The following PDZRN3 variants were observed in gnomAD, a reference collection of about 807,000 sequenced individuals.
PDZRN3 encodes E3 ubiquitin-protein ligase PDZRN3.
PDZRN3 carries 38 observed loss-of-function variants against 85.7 expected under a neutral mutation model. The observed-to-expected ratio is 0.44, with a 90% CI of 0.34 to 0.58. The LOEUF is 0.58. Ranked by LOEUF, PDZRN3 falls within the 20% of genes least tolerant of loss-of-function variation. PDZRN3 has a pLI of 0.01. For synonymous variants in PDZRN3, 759 were observed against 638.0 expected, an observed-to-expected ratio of 1.19 and a Z score of -2.86; for missense variants, 1,629 against 1,506.4, an observed-to-expected ratio of 1.08 and a Z score of -1.35.
intron 3 of PDZRN3, among the ~76,000 whole-genome samples, chr3:73,480,253 A>G (rs1051776388): frequency 6.6e-6 from 1 of 152,196 alleles, no homozygotes; most frequent in African/African-American, 2.4e-5. Flanking sequence ...ACAGGCTATA[A>G]TGACTGAAAG....
chr3:73,431,026 AC>A (rs2106799465), intron 3 of PDZRN3, among the ~76,000 whole-genome samples: 1 of 152,238 alleles, frequency 6.6e-6, no homozygotes, highest in East Asian at 1.9e-4. Context: ...CCTGGACACC[AC>A]AGTTATCATA....
At position 73,384,546 on chromosome 3, in the gene PDZRN3, C is replaced by CGGCGTCCA. The variant is rs1559646752; in HGVS notation, c.2012_2019dup (p.Gly674TrpfsTer18). On this transcript the variant is annotated frameshift_variant, in exon 10 of 10. Coordinates refer to ENST00000263666, the MANE Select transcript of PDZRN3 (RefSeq NM_015009.3). LOFTEE classifies it high-confidence loss of function. ...TCCACGCTCTCAGGGTCACTCTTGCCGGCGTCCAGGGGGCCGCTAGGGTAG... is the reference window on the plus strand; with the variant it reads ...TCCACGCTCTCAGGGTCACTCTTGCCGGCGTCCAGGCGTCCAGGGGGCCGCTAGGGTAG... 6.2e-7 allele frequency: 1 copy of CGGCGTCCA among 1,613,562 alleles called. No individual in the cohort carries two copies. Among genetic ancestry groups the CGGCGTCCA allele is most frequent in the Non-Finnish European group, 8.5e-7 (1 of 1,180,042 alleles).
At chr3:73,390,448 A>C (rs1325912618) in intron 6 of PDZRN3, among the ~76,000 whole-genome samples, 1 of 152,152 alleles carries the variant, frequency 6.6e-6, no homozygotes, top group Non-Finnish European at 1.5e-5. Flanking sequence ...TTTCCTGACA[A>C]AATTGGGTTT....
intron 3 of PDZRN3, among the ~76,000 whole-genome samples, chr3:73,588,129 T>G (rs979448604): frequency 1.3e-5 from 2 of 152,150 alleles, no homozygotes; most frequent in Non-Finnish European, 2.9e-5. Flanking sequence ...TGTTCCTCTC[T>G]GTGTCCATGT....
At chr3:73,456,209 TGTGTGTGC>T (rs1028036558) in intron 3 of PDZRN3, among the ~76,000 whole-genome samples, 2 of 107,306 alleles carry the variant, frequency 1.9e-5, no homozygotes, top group Non-Finnish European at 4.0e-5. Flanking sequence ...TGTGTGTGTG[TGTGTGTGC>T]GCGCGTGCGC....
intron 3 of PDZRN3, among the ~76,000 whole-genome samples, chr3:73,588,332 G>A (rs1323237791): frequency 3.9e-5 from 6 of 152,130 alleles, no homozygotes; most frequent in African/African-American, 7.2e-5. Context: ...CCAGGCTATC[G>A]TTGATGGGCA....
chr3:73,387,970 G>C lies in PDZRN3; in HGVS notation c.1516C>G (p.Gln506Glu), dbSNP rs1221113947. ...FSLLIARPEL[Q>E]LDEGWMDDDR... The stretch of plus-strand genomic sequence containing the variant: ...TCATCTGTAGGAAGCCAATTTACCT[G>C]GAGTTCAGGCCTTGCAATCAGCAAT... Residue 506 changes from glutamine to glutamate, a missense_variant and splice_region_variant, in exon 8 of 10, where the codon CAG (glutamine) becomes GAG (glutamate). Coordinates refer to ENST00000263666, the MANE Select transcript of PDZRN3 (RefSeq NM_015009.3). The C allele has an allele frequency of 6.0e-6, 9 of 1,491,048 alleles. No homozygotes were observed. The highest frequency in any genetic ancestry group is 8.3e-6 in the Non-Finnish European group (9 of 1,080,038). 92.4% of individuals were successfully genotyped at this position (1,491,048 alleles called of 1,614,324 possible).
chr3:73,565,936 G>A (rs750432725), intron 3 of PDZRN3, among the ~76,000 whole-genome samples: 1 of 152,002 alleles, frequency 6.6e-6, no homozygotes, highest in Non-Finnish European at 1.5e-5. Context: ...GTGCGATAAG[G>A]ATTTTTATGT....
At chr3:73,533,392 CT>C (rs1704704756) in intron 3 of PDZRN3, among the ~76,000 whole-genome samples, 1 of 152,140 alleles carries the variant, frequency 6.6e-6, no homozygotes, top group South Asian at 2.1e-4. Flanking sequence ...TTACTCAAAT[CT>C]TTTCAAAAAC....
intron 3 of PDZRN3, among the ~76,000 whole-genome samples, chr3:73,568,829 G>C (rs1403793597): frequency 6.6e-6 from 1 of 152,190 alleles, no homozygotes; most frequent in South Asian, 2.1e-4. Flanking sequence ...ATTAAAACAG[G>C]TGATATGCAT....
At chr3:73,506,506 T>C (rs956583447) in intron 3 of PDZRN3, among the ~76,000 whole-genome samples, 9 of 151,898 alleles carry the variant, frequency 5.9e-5, no homozygotes, top group African/African-American at 1.9e-4. Flanking sequence ...GAAAATAAAA[T>C]TCAATCCAAC....
At chr3:73,449,855 T>C (rs775810871) in intron 3 of PDZRN3, among the ~76,000 whole-genome samples, 1 of 152,184 alleles carries the variant, frequency 6.6e-6, no homozygotes, top group Admixed American at 6.5e-5. Context: ...AAGAAAAGCC[T>C]GTTCTAACTG....
chr3:73,559,401 T>C (rs1381571082), intron 3 of PDZRN3, among the ~76,000 whole-genome samples: 1 of 150,614 alleles, frequency 6.6e-6, no homozygotes, highest in African/African-American at 2.5e-5. Context: ...ATTATGACGT[T>C]AAATGAGGTC....
chr3:73,478,791 C>T (rs1703506833), intron 3 of PDZRN3, among the ~76,000 whole-genome samples: 1 of 152,298 alleles, frequency 6.6e-6, no homozygotes, highest in Admixed American at 6.5e-5. Flanking sequence ...GTCCAGTTCT[C>T]TGAACCATGT....
intron 3 of PDZRN3, among the ~76,000 whole-genome samples, chr3:73,504,903 C>G (rs1704043634): frequency 1.3e-5 from 2 of 152,148 alleles, no homozygotes; most frequent in Admixed American, 6.5e-5. Context: ...CACAAAAAGG[C>G]TTCCTGGGAA....
At chr3:73,567,390 A>T (rs955923885) in intron 3 of PDZRN3, among the ~76,000 whole-genome samples, 2 of 152,180 alleles carry the variant, frequency 1.3e-5, no homozygotes, top group African/African-American at 4.8e-5. Context: ...ATCTGTTTTT[A>T]AAAAAATGCC....
intron 3 of PDZRN3, among the ~76,000 whole-genome samples, chr3:73,574,461 G>GA (rs1702090181): frequency 7.1e-6 from 1 of 140,196 alleles, no homozygotes; most frequent in African/African-American, 2.7e-5. Context: ...CTGGGGTGGG[G>GA]GGGGTGGGGA....
At chr3:73,425,612 A>G (rs1390023838) in intron 3 of PDZRN3, among the ~76,000 whole-genome samples, 5 of 151,994 alleles carry the variant, frequency 3.3e-5, no homozygotes, top group Admixed American at 2.6e-4. Flanking sequence ...AAAAAAAAAA[A>G]AGAGAATCCC....
chr3:73,545,682 A>G (rs1701406086), intron 3 of PDZRN3, among the ~76,000 whole-genome samples: 1 of 152,238 alleles, frequency 6.6e-6, no homozygotes, highest in South Asian at 2.1e-4. Context: ...TTGAGACTCT[A>G]TCAACTAGAA....
Sources: allele counts gnomAD v4.1 joint callset (sites outside exome capture counted in the v4.1 genomes callset), GRCh38; gene constraint gnomAD v4.1.1; transcripts MANE v1.5; gene names NCBI Gene and HGNC (gene_info 2026-07-23, HGNC 2026-07-21).